Variants in JPH3 observed in about 807,000 individuals in gnomAD.
JPH3 encodes junctophilin 3, also known as junctophilin-3.
In JPH3, 11 loss-of-function variants were observed where a neutral mutation model predicts 59.6. The observed-to-expected ratio is 0.18, with a 90% CI of 0.12 to 0.31. The LOEUF (loss-of-function observed/expected upper bound fraction) is 0.31, where lower values mean the gene tolerates loss of function less well. Ranked by LOEUF, JPH3 falls within the 10% of genes least tolerant of loss-of-function variation. The pLI is 1.00. For synonymous variants in JPH3, 673 were observed against 483.6 expected, an observed-to-expected ratio of 1.39 and a Z score of -5.14; for missense variants, 1,202 against 1,105.7, an observed-to-expected ratio of 1.09 and a Z score of -1.24.
chr16:87,651,838 G>C (rs2032333017), intron 2 of JPH3, among the ~76,000 whole-genome samples: 1 of 152,272 alleles, frequency 6.6e-6, no homozygotes, highest in Non-Finnish European at 1.5e-5. Flanking sequence ...TAAAACAGCA[G>C]CAGAGTTTGA....
rs1386777330 is a variant in JPH3, at chr16:87,645,042, G to A, written c.1160+7G>A. 1.9e-6 allele frequency: 3 copies of A among 1,594,902 alleles called. No homozygotes were observed. The highest frequency in any genetic ancestry group is 2.7e-5 in the African/African-American group (2 of 74,790). On this transcript the variant is annotated splice_region_variant and intron_variant, in intron 2 of 4. Coordinates refer to ENST00000284262, the MANE Select transcript of JPH3 (RefSeq NM_020655.4). ...CTGAGATCGCGGCTTCCAGGTAGGA[G>A]GGCGAGGGGGCGGGGGGCCCTTCTT...
intron 3 of JPH3, among the ~76,000 whole-genome samples, chr16:87,687,387 C>T (rs1169982233): frequency 3.3e-5 from 5 of 152,328 alleles, no homozygotes; most frequent in South Asian, 2.1e-4. Flanking sequence ...TCCAGCGCTT[C>T]GGCTGCAGAG....
In JPH3 at chr16:87,635,091, A is replaced by T. The variant is rs543918832; in HGVS notation, c.383-9167A>T. Among the ~76,000 whole-genome samples, 3 of 152,300 alleles carry T rather than the reference A, an allele frequency of 2.0e-5. No individual in the cohort carries two copies. The East Asian group carries it at 5.8e-4, about 29-fold the overall frequency. ...CTGGGTGGGGGCTTTTGCCTGCCAG[A>T]ACTCATGGGTCGGGGCCGCACATGA... On this transcript the variant is annotated intron_variant, in intron 1 of 4. Coordinates refer to ENST00000284262, the MANE Select transcript of JPH3 (RefSeq NM_020655.4).
At chr16:87,695,958 G>A (rs1219726333) in intron 4 of JPH3, 1 of 455,940 alleles carries the variant, frequency 2.2e-6, no homozygotes, top group African/African-American at 2.0e-5. Context: ...GGGAGGTGGT[G>A]GCAGCAGCAT....
chr16:87,637,901 T>G (rs372862701), intron 1 of JPH3, among the ~76,000 whole-genome samples: 1 of 152,086 alleles, frequency 6.6e-6, no homozygotes, highest in South Asian at 2.1e-4. Context: ...CAGTGCTGTT[T>G]TGTGTTTTTC....
chr16:87,684,031 G>A, intron 2 of JPH3, 111 bp from the exon 3 acceptor site: 1 of 698,616 alleles, frequency 1.4e-6, no homozygotes, highest in East Asian at 2.7e-5. Flanking sequence ...TGGGGTGCCA[G>A]CATCTTGTCT....
chr16:87,606,995 G>A (rs531099051), intron 1 of JPH3, among the ~76,000 whole-genome samples: 2 of 152,270 alleles, frequency 1.3e-5, no homozygotes, highest in East Asian at 3.9e-4. Context: ...ACCAGCAGGC[G>A]TCACACTCAG....
chr16:87,678,068 A>G (rs903322804), intron 2 of JPH3, among the ~76,000 whole-genome samples: 1 of 152,038 alleles, frequency 6.6e-6, no homozygotes, highest in East Asian at 1.9e-4. Flanking sequence ...CCTGGGCAAC[A>G]TAGTGAGACC....
intron 2 of JPH3, among the ~76,000 whole-genome samples, chr16:87,655,351 CAGGGTGTTATTTTTTG>C (rs1210566190): frequency 4.0e-5 from 2 of 50,132 alleles, no homozygotes; most frequent in Admixed American, 3.0e-4. Flanking sequence ...TTTTTTGTGA[CAGGGTGTTATTTTTTG>C]TGACAGGGTG....
chr16:87,640,711 A>G (rs555806087), intron 1 of JPH3, among the ~76,000 whole-genome samples: 1 of 152,208 alleles, frequency 6.6e-6, no homozygotes, highest in Non-Finnish European at 1.5e-5. Context: ...CTTTTTAAAT[A>G]TAAGTATGTC....
chr16:87,625,708 C>G (rs748732707), intron 1 of JPH3, among the ~76,000 whole-genome samples: 3 of 152,176 alleles, frequency 2.0e-5, no homozygotes, highest in Non-Finnish European at 4.4e-5. Context: ...CCTGTCAACA[C>G]CAGTGGGTAC....
At chr16:87,695,132 CCAG>C (rs981318284) in intron 4 of JPH3, 21 of 361,118 alleles carry the variant, frequency 5.8e-5, no homozygotes, top group African/African-American at 4.5e-4. Flanking sequence ...GGGAGAGGAG[CCAG>C]CAGCAGCTGC....
Position 87,690,430 on chromosome 16 carries a change from G to A in JPH3, c.2070G>A (p.Leu690=), listed in dbSNP as rs112912806. The change falls in exon 4 of 5, where the codon TTG becomes TTA. Residue 690 remains leucine, a synonymous_variant. Transcript: ENST00000284262. ...GGCTGGGCGGGGCCGAGCCCCGGTT[G>A]CTGCGTTGGGACTTGACCTTCTCCC... ...SLRLGGAEPR[L]LRWDLTFSPP... The A allele has an allele frequency of 6.7e-7, 1 of 1,497,924 alleles. No individual in the cohort carries two copies. The highest frequency in any genetic ancestry group is 8.9e-7 in the Non-Finnish European group (1 of 1,126,560). The allele number at this position is 1,497,924 out of a possible 1,614,324, so 92.8% of individuals were successfully genotyped here.
At chr16:87,647,351 C>T (rs2032186435) in intron 2 of JPH3, among the ~76,000 whole-genome samples, 1 of 151,884 alleles carries the variant, frequency 6.6e-6, no homozygotes, top group African/African-American at 2.4e-5. Context: ...CCTGTGTCTC[C>T]TGGGGAGGCA....
At chr16:87,655,303 G>A (rs1407832745) in intron 2 of JPH3, among the ~76,000 whole-genome samples, 1 of 152,250 alleles carries the variant, frequency 6.6e-6, no homozygotes, top group African/African-American at 2.4e-5. Context: ...TCACTTTGCT[G>A]AGCCTCTGTC....
chr16:87,669,798 G>A (rs2032967715), intron 2 of JPH3, among the ~76,000 whole-genome samples: 1 of 152,200 alleles, frequency 6.6e-6, no homozygotes, highest in African/African-American at 2.4e-5. Flanking sequence ...GCTGACGTGA[G>A]TGCGGCCTGC....
upstream of JPH3, chr16:87,601,952 C>G (rs2030210588): frequency 1.3e-5 from 2 of 152,832 alleles, no homozygotes; most frequent in South Asian, 2.1e-4. Flanking sequence ...TCCCCCCACT[C>G]TTGGACCCAA....
chr16:87,625,710 A>C (rs948361358), intron 1 of JPH3, among the ~76,000 whole-genome samples: 1 of 152,160 alleles, frequency 6.6e-6, no homozygotes. Context: ...TGTCAACACC[A>C]GTGGGTACAG....
At chr16:87,687,195 G>A (rs1314083704) in intron 3 of JPH3, among the ~76,000 whole-genome samples, 1 of 152,134 alleles carries the variant, frequency 6.6e-6, no homozygotes, top group East Asian at 1.9e-4. Flanking sequence ...GGGGGAAGCT[G>A]TCCAGGTCCT....
Sources: allele counts gnomAD v4.1 joint callset (sites outside exome capture counted in the v4.1 genomes callset), GRCh38; gene constraint gnomAD v4.1.1; transcripts MANE v1.5; gene names NCBI Gene and HGNC (gene_info 2026-07-23, HGNC 2026-07-21).